Variants in SLC35B3 observed in about 807,000 individuals in gnomAD.
The protein encoded by SLC35B3 is adenosine 3'-phospho 5'-phosphosulfate transporter 2.
A neutral mutation model predicts 44.1 loss-of-function variants in SLC35B3; 35 were observed. The observed-to-expected ratio is 0.79, with a 90% CI of 0.61 to 1.05. The LOEUF is 1.05. SLC35B3 is among the 50% of genes least tolerant of loss of function. SLC35B3 has a pLI of 0.00. For synonymous variants in SLC35B3, 146 were observed against 167.3 expected (o/e 0.87, Z 0.98); for missense variants, 414 against 476.4 (o/e 0.87, Z 1.22).
chr6:8,429,538 T>C (rs1027208280), intron 3 of SLC35B3, among the ~76,000 whole-genome samples: 5 of 152,312 alleles, frequency 3.3e-5, no homozygotes, highest in Non-Finnish European at 7.4e-5. Flanking sequence ...AACTGCACTA[T>C]CATTCAATAA....
At chr6:8,415,639 ACT>A (rs1762351548) in intron 9 of SLC35B3, among the ~76,000 whole-genome samples, 1 of 151,970 alleles carries the variant, frequency 6.6e-6, no homozygotes, top group African/African-American at 2.4e-5. Flanking sequence ...ATATTCCAAG[ACT>A]CTACAGTTCC....
In SLC35B3 at chr6:8,414,940, C is replaced by T. The variant is rs146882450; in HGVS notation, c.1023G>A (p.Ser341=). ...TGAATGGTTTAGCAAAGAATATAAA[C>T]GAAAGTACAATGGTCATTGCTTTTC... The change falls in exon 10 of 11, where the codon TCG becomes TCA. Residue 341 remains serine (S), a synonymous_variant. Coordinates refer to ENST00000644923, the MANE Select transcript of SLC35B3 (RefSeq NM_001370476.2). The T allele has an allele frequency of 4.3e-5, 69 of 1,604,980 alleles. No homozygotes were observed. Among genetic ancestry groups the T allele is most frequent in the African/African-American group, 5.4e-5 (4 of 74,750 alleles).
intron 4 of SLC35B3, among the ~76,000 whole-genome samples, chr6:8,424,289 G>A (rs1237180983): frequency 6.6e-6 from 1 of 152,064 alleles, no homozygotes; most frequent in African/African-American, 2.4e-5. Flanking sequence ...TCTCGCTCTT[G>A]TTGCCCAGGC....
rs201086048 is a variant in SLC35B3 at position 8,429,931 on chromosome 6, T to G, written c.230A>C (p.Lys77Thr). ...AACACATATGAAAAACTGAGTAAGTTTGTTAAACTTGCTGAGATTCATGCC... is the reference window on the plus strand; with the variant it reads ...AACACATATGAAAAACTGAGTAAGTGTGTTAAACTTGCTGAGATTCATGCC... The change falls in exon 3 of 11, where the codon AAA (lysine) becomes ACA (threonine). Residue 77 changes from lysine to threonine, a missense_variant. Lys to Thr is a moderately conservative substitution (Grantham distance 78). Transcript: ENST00000644923. 1.2e-6 allele frequency: 2 copies of G among 1,611,128 alleles called. No individual in the cohort carries two copies. Among genetic ancestry groups the G allele is most frequent in the Admixed American group, 3.4e-5 (2 of 59,516 alleles).
chr6:8,432,969 TCAAAA>T lies in SLC35B3; in HGVS notation c.3+1411_3+1415del, dbSNP rs1444484627. Among the ~76,000 whole-genome samples, 2 of 152,184 alleles carry T rather than the reference TCAAAA, an allele frequency of 1.3e-5. No individual in the cohort carries two copies. Among genetic ancestry groups the T allele is most frequent in the Non-Finnish European group, 2.9e-5 (2 of 68,028 alleles). On this transcript the variant is annotated intron_variant, in intron 2 of 10. Coordinates refer to ENST00000644923, the MANE Select transcript of SLC35B3 (RefSeq NM_001370476.2). This position sits in a 1 kb window ranked among gnomAD's most constrained non-coding sequence, Gnocchi z 4.8. The stretch of plus-strand genomic sequence containing the variant: ...ATGGCCAAAGCTGATTATTTTCCCC[TCAAAA>T]CAAATCTACTGTTTGTTCCTATATT...
Position 8,420,737 on chromosome 6 carries a change from T to C in SLC35B3, c.666A>G (p.Pro222=), listed in dbSNP as rs1411892182. The C allele has an allele frequency of 6.2e-7, 1 of 1,611,640 alleles. No homozygotes were observed. The highest frequency in any genetic ancestry group is 8.5e-7 in the Non-Finnish European group (1 of 1,178,430). Residue 222 remains proline, a synonymous_variant, in exon 6 of 11, where the codon CCA becomes CCG. Coordinates refer to ENST00000644923, the MANE Select transcript of SLC35B3 (RefSeq NM_001370476.2). This position sits in a 1 kb window ranked among gnomAD's most constrained non-coding sequence, Gnocchi z 4.4. ...ATTACTTACCCGTCAGGTTGAAATT[T>C]GGTGCAGTTGTGCTGTCAGCGAGGG...
At chr6:8,423,013 G>C (rs1216777172) in intron 4 of SLC35B3, among the ~76,000 whole-genome samples, 1 of 151,852 alleles carries the variant, frequency 6.6e-6, no homozygotes, top group South Asian at 2.1e-4. Flanking sequence ...CTTGAGATAA[G>C]GTCTCGCTCT....
rs747989688 is a variant in SLC35B3, at chr6:8,435,394, G to A, written c.-95C>T. ...GGTGACGGCAGCCTGCGTGGCGTCT[G>A]AGCTAGACGGAGCATCTCCCCCTCC... is the stretch of plus-strand genomic sequence containing the variant. On this transcript the variant is annotated 5_prime_UTR_variant, in exon 1 of 11. The change creates a premature stop within an existing upstream ORF in the 5' untranslated region. Transcript: ENST00000644923. The surrounding 1 kb of genome is among the most constrained non-coding windows in gnomAD (Gnocchi z 5.5). The A allele has an allele frequency of 7.8e-7, 1 of 1,288,362 alleles. No homozygotes were observed. Among genetic ancestry groups the A allele is most frequent in the Non-Finnish European group, 1.0e-6 (1 of 988,662 alleles). 79.8% of individuals were successfully genotyped at this position (1,288,362 alleles called of 1,614,324 possible).
At position 8,427,943 on chromosome 6, in the gene SLC35B3, C is replaced by G; in HGVS notation, c.413G>C (p.Arg138Thr). ...ATAAAAACAAACCACATACCTCCTCCTTTTGTCCTGAATAAGCTGAAGTTC... is the reference window on the plus strand; with the variant it reads ...ATAAAAACAAACCACATACCTCCTCGTTTTGTCCTGAATAAGCTGAAGTTC... The change falls in exon 4 of 11, where the codon AGG becomes ACG. Residue 138 changes from arginine (R) to threonine (T), a missense_variant. Physicochemically the swap from Arg to Thr is moderately conservative, Grantham distance 71 (BLOSUM62 -1). Transcript: ENST00000644923. The G allele has an allele frequency of 6.2e-7, 1 of 1,611,022 alleles. No individual in the cohort carries two copies. Among genetic ancestry groups the G allele is most frequent in the Non-Finnish European group, 8.5e-7 (1 of 1,178,390 alleles).
chr6:8,431,678 A>AG (rs1385735267), intron 2 of SLC35B3, among the ~76,000 whole-genome samples: 1 of 152,204 alleles, frequency 6.6e-6, no homozygotes, highest in Non-Finnish European at 1.5e-5. Context: ...GTAATCTTGC[A>AG]GGGTATCTTT....
rs1165365194 is a variant in SLC35B3 at position 8,433,688 on chromosome 6, G to A, written c.3+697C>T. Among the ~76,000 whole-genome samples, 2 of 152,110 alleles carry A rather than the reference G, an allele frequency of 1.3e-5. No individual in the cohort carries two copies. The highest frequency in any genetic ancestry group is 1.9e-4 in the East Asian group (1 of 5,180). ...CCCACAAAACATTTGAAATGAACAT[G>A]AAAATAAATTTGTTTCCTCTGCCTG... On this transcript the variant is annotated intron_variant, in intron 2 of 10. Coordinates refer to ENST00000644923, the MANE Select transcript of SLC35B3 (RefSeq NM_001370476.2). This position sits in a 1 kb window ranked among gnomAD's most constrained non-coding sequence, Gnocchi z 4.1.
chr6:8,427,883 C>T, intron 4 of SLC35B3, 54 bp downstream of exon 3: 1 of 1,519,580 alleles, frequency 6.6e-7, no homozygotes, highest in South Asian at 1.2e-5. Flanking sequence ...ATTCAGTATG[C>T]CAAAAAAATT....
chr6:8,414,598 C>T (rs906077552), intron 10 of SLC35B3, among the ~76,000 whole-genome samples: 1 of 152,258 alleles, frequency 6.6e-6, no homozygotes, highest in Non-Finnish European at 1.5e-5. Flanking sequence ...CTCATATTCA[C>T]TCATAATGGA....
Position 8,434,286 on chromosome 6 carries a change from A to G in SLC35B3, c.3+99T>C. 1.8e-6 allele frequency: 2 copies of G among 1,142,272 alleles called. No homozygotes were observed. The highest frequency in any genetic ancestry group is 2.6e-6 in the Non-Finnish European group (2 of 767,492). 70.8% of individuals were successfully genotyped at this position (1,142,272 alleles called of 1,614,324 possible). On this transcript the variant is annotated intron_variant, in intron 2 of 10. Coordinates refer to ENST00000644923, the MANE Select transcript of SLC35B3 (RefSeq NM_001370476.2). This position sits in a 1 kb window ranked among gnomAD's most constrained non-coding sequence, Gnocchi z 6.3. The stretch of plus-strand genomic sequence containing the variant: ...CAAAAGTCCCACACCAAAAAAAGGT[A>G]GAATATGAAAAAAAAGTCATTACGG...
Position 8,416,643 on chromosome 6 carries a change from G to T in SLC35B3, c.985+241C>A, listed in dbSNP as rs185751083. On this transcript the variant is annotated intron_variant, in intron 9 of 10. Coordinates refer to ENST00000644923, the MANE Select transcript of SLC35B3 (RefSeq NM_001370476.2). ...GAAAGTTCTTTTAATGCGTTTAAGG[G>T]TTACTGTTCTGATAAATGTATATGT... 2.2e-4 allele frequency among the ~76,000 whole-genome samples: 33 copies of T among 152,212 alleles called. 1 individual carries two copies. The East Asian group carries it at 6.0e-3, about 28-fold the overall frequency.
chr6:8,424,850 G>C (rs887851822), intron 4 of SLC35B3, among the ~76,000 whole-genome samples: 1 of 152,104 alleles, frequency 6.6e-6, no homozygotes, highest in Non-Finnish European at 1.5e-5. Flanking sequence ...TTCTCAACGA[G>C]TATTGATGTA....
rs776562152 is a variant in SLC35B3 at position 8,434,416 on chromosome 6, G to A, written c.-29C>T. ...ATTATGCCTTGATTAACTGCGCTCC[G>A]GAATCAATCATGGCCTATGGTGTAC... On this transcript the variant is annotated 5_prime_UTR_variant, in exon 2 of 11. Coordinates refer to ENST00000644923, the MANE Select transcript of SLC35B3 (RefSeq NM_001370476.2). The surrounding 1 kb of genome is among the most constrained non-coding windows in gnomAD (Gnocchi z 6.3). 8.1e-6 allele frequency: 13 copies of A among 1,611,710 alleles called. No individual in the cohort carries two copies. Among genetic ancestry groups the A allele is most frequent in the Admixed American group, 6.7e-5 (4 of 59,948 alleles).
At chr6:8,431,955 A>T (rs1234690148) in intron 2 of SLC35B3, among the ~76,000 whole-genome samples, 1 of 146,684 alleles carries the variant, frequency 6.8e-6, no homozygotes, top group Non-Finnish European at 1.5e-5. Flanking sequence ...CCTTCTGTTC[A>T]TGATGTCCTT....
Position 8,429,709 on chromosome 6 carries a change from G to GTTTTCTGTTT in SLC35B3, c.297+154_297+155insAAACAGAAAA. 5.7e-6 allele frequency: 3 copies of GTTTTCTGTTT among 526,770 alleles called. No individual in the cohort carries two copies. In the South Asian group the frequency reaches 1.0e-4, roughly 18 times the overall value. The allele number at this position is 526,770 out of a possible 1,614,324, so 32.6% of individuals were successfully genotyped here. A position where few individuals can be genotyped will look rare whatever the true frequency, so the allele number is the denominator to read the frequency against. ...TTATTTAACTCTTGAATTTTGATCT[G>GTTTTCTGTTT]TTAAGAAGCTCTTTTCTACTCTATA... On this transcript the variant is annotated intron_variant, in intron 3 of 10. Coordinates refer to ENST00000644923, the MANE Select transcript of SLC35B3 (RefSeq NM_001370476.2).
Sources: allele counts gnomAD v4.1 joint callset (sites outside exome capture counted in the v4.1 genomes callset), GRCh38; gene constraint gnomAD v4.1.1; non-coding constraint Gnocchi (gnomAD v3.1); transcripts MANE v1.5; gene names NCBI Gene and HGNC (gene_info 2026-07-23, HGNC 2026-07-21).